The following FOXRED2 variants were observed in gnomAD, a reference collection of about 807,000 sequenced individuals.
FOXRED2 encodes the protein FAD-dependent oxidoreductase domain-containing protein 2.
In FOXRED2, 32 loss-of-function variants were observed where a neutral mutation model predicts 52.5. That is an observed-to-expected ratio of 0.61 (90% CI 0.46 to 0.82). The LOEUF is 0.82. Ranked by LOEUF, FOXRED2 falls within the 40% of genes least tolerant of loss-of-function variation. The probability of loss-of-function intolerance (pLI) is 0.00; values close to 1 mark genes in which losing one functional copy is unlikely to be tolerated. For missense variants in FOXRED2, 848 were observed against 937.5 expected, an observed-to-expected ratio of 0.90 and a Z score of 1.25; for synonymous variants, 405 against 398.1, an observed-to-expected ratio of 1.02 and a Z score of -0.21.
chr22:36,498,373 C>A, intron 5 of FOXRED2: 1 of 564,182 alleles, frequency 1.8e-6, no homozygotes, highest in Non-Finnish European at 3.1e-6. Flanking sequence ...GCCAGACAAT[C>A]CATATTCTCT....
Position 36,498,093 on chromosome 22 carries a change from A to T in FOXRED2, c.1280T>A (p.Leu427His). The T allele has an allele frequency of 1.2e-6, 2 of 1,613,766 alleles. No homozygotes were observed. The highest frequency in any genetic ancestry group is 1.7e-6 in the Non-Finnish European group (2 of 1,179,994). Residue 427 changes from leucine to histidine, a missense_variant, in exon 6 of 9, where the codon CTC becomes CAC. Leu to His is a moderately conservative substitution (Grantham distance 99). Coordinates refer to ENST00000397224, the MANE Select transcript of FOXRED2 (RefSeq NM_001102371.2). ...HHSVTWPATELPITQLTSSIV... is the reference protein window; with the variant it reads ...HHSVTWPATEHPITQLTSSIV... ...GGAGCTGGTCAGCTGTGTGATGGGG[A>T]GCTCAGTGGCGGGCCAGGTGACGCT... is the stretch of plus-strand genomic sequence containing the variant.
chr22:36,489,367 A>C lies in FOXRED2; in HGVS notation c.*641T>G, dbSNP rs1933686095. On this transcript the variant is annotated 3_prime_UTR_variant, in exon 9 of 9. Coordinates refer to ENST00000397224, the MANE Select transcript of FOXRED2 (RefSeq NM_001102371.2). ...TCAGCCTGCTGGGCCTATGATGATA[A>C]GCAGGGCTGACCCTCTTGGGCTCTG... The C allele has an allele frequency of 6.6e-6, 1 of 152,260 alleles. No homozygotes were observed. The highest frequency in any genetic ancestry group is 1.5e-5 in the Non-Finnish European group (1 of 68,062). The allele number at this position is 152,260 out of a possible 1,614,324, so 9.4% of individuals were successfully genotyped here. A position where few individuals can be genotyped will look rare whatever the true frequency, so the allele number is the denominator to read the frequency against.
rs201708922 is a variant in FOXRED2, at chr22:36,503,316, CTTT to C, written c.1049+779_1049+781del. Among the ~76,000 whole-genome samples, 494 of 138,026 alleles carry C rather than the reference CTTT, an allele frequency of 3.6e-3. 3 individuals carry two copies. The highest frequency in any genetic ancestry group is 0.012 in the African/African-American group (470 of 37,822). 90.6% of individuals were successfully genotyped at this position (138,026 alleles called of 152,430 possible). A position where few individuals can be genotyped will look rare whatever the true frequency, so the allele number is the denominator to read the frequency against. Reference sequence around the variant, plus strand: ...CTGGCCTCTGCACACATTCTTCTTTCTTTTTTTTTTTTTTTGAGATAAGAGTCT... The same window carrying C: ...CTGGCCTCTGCACACATTCTTCTTTCTTTTTTTTTTTTGAGATAAGAGTCT... On this transcript the variant is annotated intron_variant, in intron 4 of 8. Coordinates refer to ENST00000397224, the MANE Select transcript of FOXRED2 (RefSeq NM_001102371.2).
intron 2 of FOXRED2, among the ~76,000 whole-genome samples, chr22:36,505,176 C>T (rs903278706): frequency 1.3e-5 from 2 of 152,210 alleles, no homozygotes; most frequent in African/African-American, 4.8e-5. Context: ...CATCTATCCA[C>T]TGAGCAGTAA....
At chr22:36,501,091 C>T in intron 5 of FOXRED2, 150 bp downstream of exon 5, 1 of 823,406 alleles carries the variant, frequency 1.2e-6, no homozygotes, top group South Asian at 1.7e-5. Flanking sequence ...ACCACAAAAA[C>T]CTGTTGTCAC....
At chr22:36,490,506 C>G (rs1933728774) in intron 8 of FOXRED2, among the ~76,000 whole-genome samples, 1 of 152,238 alleles carries the variant, frequency 6.6e-6, no homozygotes, top group Admixed American at 6.5e-5. Flanking sequence ...TCTGGAAGAA[C>G]AAGGCTCCAA....
Position 36,506,202 on chromosome 22 carries a change from C to T in FOXRED2, c.221G>A (p.Arg74Gln). The T allele has an allele frequency of 3.7e-6, 6 of 1,614,124 alleles. No homozygotes were observed. Among genetic ancestry groups the T allele is most frequent in the Non-Finnish European group, 5.1e-6 (6 of 1,180,000 alleles). The stretch of plus-strand genomic sequence containing the variant: ...GTTGATGCTGATGAGCTTGCGGTGC[C>T]GCGGGTAGCGTGTGAAGAAGCTGCC... Reference protein sequence around the residue: ...RPGSFFTRYPRHRKLISINKR... With the variant: ...RPGSFFTRYPQHRKLISINKR... Residue 74 changes from arginine to glutamine, a missense_variant, in exon 2 of 9, where the codon CGG (arginine) becomes CAG (glutamine). Coordinates refer to ENST00000397224, the MANE Select transcript of FOXRED2 (RefSeq NM_001102371.2).
At chr22:36,497,909 C>T in intron 6 of FOXRED2, 82 bp downstream of exon 6, 2 of 1,471,798 alleles carry the variant, frequency 1.4e-6, no homozygotes, top group East Asian at 2.3e-5. Context: ...GGGCACCTCA[C>T]ACCTGGAATA....
rs1212433967 is a variant in FOXRED2 at position 36,488,094 on chromosome 22, A to G, written c.*1914T>C. 7.1e-6 allele frequency: 1 copy of G among 140,606 alleles called. No individual in the cohort carries two copies. The highest frequency in any genetic ancestry group is 2.5e-5 in the African/African-American group (1 of 40,220). 8.7% of individuals were successfully genotyped at this position (140,606 alleles called of 1,614,324 possible). The stretch of plus-strand genomic sequence containing the variant: ...GTGACAAGAGCGAAATCCATTGCAA[A>G]AAAAAAAAAAAAGAAAAAGAAAAAG... On this transcript the variant is annotated 3_prime_UTR_variant, in exon 9 of 9. Transcript: ENST00000397224.
intron 3 of FOXRED2, 73 bp downstream of exon 3, chr22:36,504,442 G>A: frequency 6.2e-7 from 1 of 1,607,790 alleles, no homozygotes; most frequent in South Asian, 1.1e-5. Context: ...AGGAAGGGCA[G>A]GGGAGGGTTG....
Position 36,506,432 on chromosome 22 carries a change from G to C in FOXRED2, c.-1-9C>G. 7.0e-7 allele frequency: 1 copy of C among 1,431,284 alleles called. No individual in the cohort carries two copies. The highest frequency in any genetic ancestry group is 9.1e-7 in the Non-Finnish European group (1 of 1,097,122). The allele number at this position is 1,431,284 out of a possible 1,614,324, so 88.7% of individuals were successfully genotyped here. On this transcript the variant is annotated splice_polypyrimidine_tract_variant and intron_variant, in intron 1 of 8. Coordinates refer to ENST00000397224, the MANE Select transcript of FOXRED2 (RefSeq NM_001102371.2). Reference sequence around the variant, plus strand: ...CAGCGGAGAGGCCCATCCTGCAGCAGATCAGAGGGGTAAGGCCTCGCACCC... The same window carrying C: ...CAGCGGAGAGGCCCATCCTGCAGCACATCAGAGGGGTAAGGCCTCGCACCC...
At chr22:36,492,563 A>AG (rs1450281172) in intron 8 of FOXRED2, among the ~76,000 whole-genome samples, 1 of 152,154 alleles carries the variant, frequency 6.6e-6, no homozygotes, top group East Asian at 1.9e-4. Context: ...CCCAGGCTGG[A>AG]GTGCAGTGGC....
rs1396995762 is a variant in FOXRED2 at position 36,504,756 on chromosome 22, C to G, written c.538G>C (p.Val180Leu). 2 of 1,614,066 alleles carry G rather than the reference C, an allele frequency of 1.2e-6. No individual in the cohort carries two copies. Among genetic ancestry groups the G allele is most frequent in the South Asian group, 2.2e-5 (2 of 91,072 alleles). ...TTGGGGACTGATAAACCAGTGGCTACAAAGAGGACGCTGCAGGCGGGGACA... is the reference window on the plus strand; with the variant it reads ...TTGGGGACTGATAAACCAGTGGCTAGAAAGAGGACGCTGCAGGCGGGGACA... ...GQVHQCSVLF[V>L]ATGLSVPNQV... Residue 180 changes from valine (V) to leucine (L), a missense_variant, in exon 3 of 9, where the codon GTA becomes CTA. Physicochemically the swap from Val to Leu is conservative, Grantham distance 32. Transcript: ENST00000397224.
At chr22:36,493,519 G>T (rs1933813638) in intron 8 of FOXRED2, 114 bp downstream of exon 8, 7 of 800,424 alleles carry the variant, frequency 8.7e-6, no homozygotes, top group Middle Eastern at 2.5e-4. Context: ...GGGAACAGTA[G>T]TCTGGGGTTT....
intron 8 of FOXRED2, 136 bp downstream of exon 8, chr22:36,493,497 C>T: frequency 1.6e-6 from 1 of 641,440 alleles, no homozygotes; most frequent in East Asian, 2.8e-5. Flanking sequence ...TAATTTAACC[C>T]ACGGCATTGT....
intron 6 of FOXRED2, 149 bp downstream of exon 6, chr22:36,497,842 T>C (rs903048017): frequency 1.2e-6 from 1 of 847,052 alleles, no homozygotes; most frequent in Non-Finnish European, 1.8e-6. Flanking sequence ...TTAATGTCAT[T>C]GTTTTTCCCC....
Position 36,495,971 on chromosome 22 carries a change from G to C in FOXRED2, c.1620C>G (p.Pro540=). ...HPVIYYYRYL[P]TEQEVRFRPA... Reference sequence around the variant, plus strand: ...GAAGGGCAGAGACCTGCTCACCGGTGGGGAGGTATCTATAGTAGTAGATGA... The same window carrying C: ...GAAGGGCAGAGACCTGCTCACCGGTCGGGAGGTATCTATAGTAGTAGATGA... Residue 540 remains proline, a synonymous_variant, in exon 7 of 9, where the codon CCC becomes CCG. Coordinates refer to ENST00000397224, the MANE Select transcript of FOXRED2 (RefSeq NM_001102371.2). The C allele has an allele frequency of 6.2e-7, 1 of 1,613,776 alleles. No individual in the cohort carries two copies. Among genetic ancestry groups the C allele is most frequent in the Non-Finnish European group, 8.5e-7 (1 of 1,179,656 alleles).
intron 7 of FOXRED2, among the ~76,000 whole-genome samples, chr22:36,494,035 A>G (rs1485744233): frequency 6.6e-6 from 1 of 152,230 alleles, no homozygotes; most frequent in East Asian, 1.9e-4. Flanking sequence ...GTGGTTTCGG[A>G]AGGCAGTGCT....
rs775215671 is a variant in FOXRED2, at chr22:36,501,364, G to C, written c.1093C>G (p.Pro365Ala). The C allele has an allele frequency of 1.9e-6, 3 of 1,614,168 alleles. No homozygotes were observed. The highest frequency in any genetic ancestry group is 2.5e-6 in the Non-Finnish European group (3 of 1,180,026). Residue 365 changes from proline (P) to alanine (A), a missense_variant, in exon 5 of 9, where the codon CCG becomes GCG. Physicochemically the swap from Pro to Ala is conservative, Grantham distance 27. Transcript: ENST00000397224. ...NSGNAFGKKYPLIRASYESKG... is the reference protein window; with the variant it reads ...NSGNAFGKKYALIRASYESKG... ...GATTCGTAGCTAGCTCGAATCAGCG[G>C]GTACTTCTTGCCGAATGCATTTCCC...
Sources: gnomAD v4.1 joint callset for allele counts (sites outside exome capture counted in the v4.1 genomes callset) on GRCh38, gnomAD v4.1.1 for gene constraint, MANE v1.5 for transcripts, NCBI Gene and HGNC (gene_info 2026-07-23, HGNC 2026-07-21) for gene names.